L3MBTL3: variants seen among roughly 807,000 people sequenced by gnomAD.
L3MBTL3 encodes L3MBTL histone methyl-lysine binding protein 3.
In L3MBTL3, 27 loss-of-function variants were observed where a neutral mutation model predicts 102.3. The observed-to-expected ratio is 0.26, with a 90% confidence interval of 0.19 to 0.36. The LOEUF (loss-of-function observed/expected upper bound fraction) is 0.36, where lower values mean the gene tolerates loss of function less well. Ranked by LOEUF, L3MBTL3 falls within the 10% of genes least tolerant of loss-of-function variation. The pLI is 1.00. For missense variants in L3MBTL3, 798 were observed against 955.3 expected (o/e 0.84, Z 2.17); for synonymous variants, 340 against 320.9 (o/e 1.06, Z -0.64).
chr6:130,028,791 T>A (rs896873763), intron 2 of L3MBTL3, among the ~76,000 whole-genome samples: 1 of 152,324 alleles, frequency 6.6e-6, no homozygotes, highest in Middle Eastern at 3.4e-3. Context: ...GTTTAAGAGG[T>A]TTGAATTTAA....
At chr6:130,081,450 G>A (rs909569506) in intron 14 of L3MBTL3, among the ~76,000 whole-genome samples, 14 of 141,786 alleles carry the variant, frequency 9.9e-5, no homozygotes, top group Non-Finnish European at 2.0e-4. Flanking sequence ...ACGGATTCTT[G>A]CTCTGTTGCC....
chr6:130,068,466 T>C, intron 12 of L3MBTL3, 45 bp downstream of exon 12: 3 of 1,035,674 alleles, frequency 2.9e-6, no homozygotes, highest in Middle Eastern at 2.0e-4. Flanking sequence ...AAGAAGTTTT[T>C]TGAGTGTCTC....
At chr6:130,132,953 A>T (rs550599505) in intron 20 of L3MBTL3, among the ~76,000 whole-genome samples, 9 of 152,070 alleles carry the variant, frequency 5.9e-5, no homozygotes, top group Admixed American at 5.9e-4. Flanking sequence ...TATTTAAAAA[A>T]TCAGTATGAT....
intron 2 of L3MBTL3, among the ~76,000 whole-genome samples, chr6:130,023,593 A>G (rs1279610728): frequency 2.0e-5 from 3 of 152,208 alleles, no homozygotes; most frequent in Non-Finnish European, 4.4e-5. Flanking sequence ...ATGTCACTCT[A>G]CCTCCTTCAG....
chr6:130,070,637 A>G (rs1782565505), intron 12 of L3MBTL3, among the ~76,000 whole-genome samples: 1 of 152,154 alleles, frequency 6.6e-6, no homozygotes, highest in African/African-American at 2.4e-5. Context: ...AATGTGAACT[A>G]TATGGTGAAT....
intron 18 of L3MBTL3, among the ~76,000 whole-genome samples, chr6:130,101,615 G>A (rs1784689685): frequency 6.6e-6 from 1 of 152,226 alleles, no homozygotes; most frequent in Admixed American, 6.5e-5. Flanking sequence ...ACCAGGGCCT[G>A]GAAAGGGCAG....
chr6:130,068,226 T>G (rs1203354431), intron 11 of L3MBTL3, 104 bp from the exon 12 acceptor site: 19 of 601,662 alleles, frequency 3.2e-5, no homozygotes, highest in Non-Finnish European at 5.2e-5. Context: ...ATTTAAAAAG[T>G]CATTTGATTG....
At chr6:130,040,331 C>CAA (rs200580576) in intron 2 of L3MBTL3, among the ~76,000 whole-genome samples, 242 of 100,546 alleles carry the variant, frequency 2.4e-3, no homozygotes, top group African/African-American at 8.5e-3. Flanking sequence ...AACTCTGTCT[C>CAA]AAAAAAAAAA....
chr6:130,073,531 A>G (rs1782763075), intron 13 of L3MBTL3, among the ~76,000 whole-genome samples: 1 of 152,132 alleles, frequency 6.6e-6, no homozygotes, highest in Non-Finnish European at 1.5e-5. Flanking sequence ...CTTTTGCCTG[A>G]TTTGAACAAA....
At chr6:130,038,380 C>T (rs1256424064) in intron 2 of L3MBTL3, among the ~76,000 whole-genome samples, 2 of 151,626 alleles carry the variant, frequency 1.3e-5, no homozygotes, top group African/African-American at 4.8e-5. Context: ...CTCTATATTC[C>T]CACCAAGAAG....
At chr6:130,032,159 C>T (rs534749683) in intron 2 of L3MBTL3, among the ~76,000 whole-genome samples, 100 of 152,156 alleles carry the variant, frequency 6.6e-4, no homozygotes, top group African/African-American at 2.2e-3. Context: ...GGTGATCCTC[C>T]GAAAGTGCAG....
chr6:130,053,086 A>T (rs1781209809), intron 7 of L3MBTL3, 95 bp downstream of exon 7: 1 of 944,058 alleles, frequency 1.1e-6, no homozygotes, highest in African/African-American at 1.6e-5. Flanking sequence ...ACTGAGTTCA[A>T]ATGTGGGTTC....
intron 18 of L3MBTL3, 143 bp downstream of exon 18, chr6:130,094,510 A>G (rs552702373): frequency 2.2e-6 from 1 of 462,274 alleles, no homozygotes; most frequent in Non-Finnish European, 3.7e-6. Flanking sequence ...GTGATCATGT[A>G]AAAATGAAGG....
At chr6:130,069,409 A>G (rs114076876) in intron 12 of L3MBTL3, among the ~76,000 whole-genome samples, 269 of 152,368 alleles carry the variant, frequency 1.8e-3, no homozygotes, top group African/African-American at 5.1e-3. Context: ...GAGAGCATCA[A>G]TCTAATGGCT....
intron 3 of L3MBTL3, among the ~76,000 whole-genome samples, chr6:130,044,646 T>C (rs1780619181): frequency 6.6e-6 from 1 of 152,194 alleles, no homozygotes; most frequent in African/African-American, 2.4e-5. Flanking sequence ...AATTGCCATG[T>C]ATCCAATTCA....
Position 130,094,292 on chromosome 6 carries a change from A to C in L3MBTL3, c.1661A>C (p.Glu554Ala). The change falls in exon 18 of 23, where the codon GAA becomes GCA. Residue 554 changes from glutamate (E) to alanine (A), a missense_variant. Transcript: ENST00000361794. ...LSPLELMEAS[E>A]HGGCSTPGCK... ...CCCTTAGAATTAATGGAAGCTTCAG[A>C]ACATGGTGGATGCTCAACCCCGGGA... 1 of 1,613,786 alleles carries C rather than the reference A, an allele frequency of 6.2e-7. No individual in the cohort carries two copies. The highest frequency in any genetic ancestry group is 8.5e-7 in the Non-Finnish European group (1 of 1,179,804).
intron 19 of L3MBTL3, among the ~76,000 whole-genome samples, chr6:130,109,911 C>A (rs1249599014): frequency 6.6e-6 from 1 of 152,194 alleles, no homozygotes; most frequent in Admixed American, 6.5e-5. Context: ...CTGTTTTCTG[C>A]ATATGGCTAG....
intron 20 of L3MBTL3, among the ~76,000 whole-genome samples, chr6:130,128,714 C>T (rs1264861645): frequency 6.6e-6 from 1 of 151,906 alleles, no homozygotes; most frequent in Middle Eastern, 3.2e-3. Flanking sequence ...AGATGAACTT[C>T]TAAACTTGGA....
At chr6:130,135,152 C>T (rs1344279701) in intron 22 of L3MBTL3, among the ~76,000 whole-genome samples, 1 of 150,922 alleles carries the variant, frequency 6.6e-6, no homozygotes, top group Non-Finnish European at 1.5e-5. Flanking sequence ...ACCTCCGCCT[C>T]CTGGCAGAGG....
Sources: allele counts gnomAD v4.1 joint callset (sites outside exome capture counted in the v4.1 genomes callset), GRCh38; gene constraint gnomAD v4.1.1; transcripts MANE v1.5; gene names NCBI Gene and HGNC (gene_info 2026-07-23, HGNC 2026-07-21).